Variants in MEI1 observed in about 807,000 individuals in gnomAD.
MEI1 encodes the protein meiotic double-stranded break formation protein 1.
A neutral mutation model predicts 146.2 loss-of-function variants in MEI1; 103 were observed. The ratio of observed to expected loss-of-function variants is 0.70; its 90% confidence interval spans 0.60 to 0.83. The LOEUF (loss-of-function observed/expected upper bound fraction) is 0.83, where lower values mean the gene tolerates loss of function less well. MEI1 is among the 40% of genes least tolerant of loss of function. The probability of loss-of-function intolerance (pLI) is 0.00; values close to 1 mark genes in which losing one functional copy is unlikely to be tolerated. For synonymous variants in MEI1, 652 were observed against 628.2 expected (o/e 1.04, Z -0.57); for missense variants, 1,529 against 1,533.0 (o/e 1.00, Z 0.04).
At chr22:41,767,755 C>T in intron 19 of MEI1, 1 of 383,470 alleles carries the variant, frequency 2.6e-6, no homozygotes, top group South Asian at 1.8e-5. Flanking sequence ...AGTTCCTTGC[C>T]CTCAGAGAAC....
chr22:41,748,043 C>T, intron 14 of MEI1, 64 bp from the exon 15 acceptor site: 2 of 1,105,648 alleles, frequency 1.8e-6, no homozygotes, highest in Non-Finnish European at 1.4e-6. Flanking sequence ...TGAGTTTTCT[C>T]TGATGCCTTT....
At chr22:41,745,128 A>G (rs2073190989) in intron 13 of MEI1, 64 bp downstream of exon 13, 5 of 1,158,418 alleles carry the variant, frequency 4.3e-6, no homozygotes, top group South Asian at 3.5e-5. Context: ...GATTCAGACA[A>G]TGGGTGAAGT....
intron 26 of MEI1, among the ~76,000 whole-genome samples, chr22:41,789,796 G>A (rs1251230733): frequency 1.6e-4 from 25 of 152,208 alleles, no homozygotes; most frequent in Admixed American, 1.6e-3. Flanking sequence ...AACCCAACCT[G>A]AGAAGCTCAT....
intron 11 of MEI1, among the ~76,000 whole-genome samples, chr22:41,737,955 A>G (rs1271453255): frequency 1.3e-5 from 2 of 152,236 alleles, no homozygotes; most frequent in East Asian, 3.8e-4. Flanking sequence ...TTATAGAGTA[A>G]CTTTTATTTT....
At chr22:41,772,619 C>T (rs1472619626) in intron 20 of MEI1, among the ~76,000 whole-genome samples, 2 of 152,168 alleles carry the variant, frequency 1.3e-5, no homozygotes, top group African/African-American at 4.8e-5. Flanking sequence ...ACTGTACCTG[C>T]CATTTTTTCT....
At chr22:41,767,710 T>C in intron 19 of MEI1, 1 of 423,028 alleles carries the variant, frequency 2.4e-6, no homozygotes, top group Non-Finnish European at 5.0e-6. Context: ...CTAGGTACCA[T>C]GTGGGGCCCT....
chr22:41,737,563 T>C (rs73161386), intron 11 of MEI1, among the ~76,000 whole-genome samples: 4,816 of 142,782 alleles, frequency 0.034, 120 homozygotes, highest in Middle Eastern at 0.046. Flanking sequence ...GGGTGAGGGG[T>C]CAGAGTCTCA....
Position 41,699,552 on chromosome 22 carries a change from AGGCGGC to A in MEI1, c.16_21del (p.Ala6_Ala7del). On this transcript the variant is annotated inframe_deletion, in exon 1 of 31. Coordinates refer to ENST00000401548, the MANE Select transcript of MEI1 (RefSeq NM_152513.4). ...GCAAGCGAGGAGATGGCTGTGAGGC[AGGCGGC>A]GACGGCGGGCACTCCCGGGCCCAGG... is the stretch of plus-strand genomic sequence containing the variant. 1 of 1,611,696 alleles carries A rather than the reference AGGCGGC, an allele frequency of 6.2e-7. No homozygotes were observed. Among genetic ancestry groups the A allele is most frequent in the African/African-American group, 1.3e-5 (1 of 74,968 alleles).
At chr22:41,701,247 G>A (rs563093007) in intron 1 of MEI1, among the ~76,000 whole-genome samples, 7 of 152,034 alleles carry the variant, frequency 4.6e-5, no homozygotes, top group Admixed American at 3.9e-4. Flanking sequence ...CCAAACAGCT[G>A]GATTTTTATC....
Position 41,763,323 on chromosome 22 carries a change from T to C in MEI1, c.2268+2T>C. ...GACAAAGACAATACACTACGTGAGG[T>C]ATGGACCACAATGCCTGGGCTCCTT... is the stretch of plus-strand genomic sequence containing the variant. On this transcript the variant is annotated splice_donor_variant, in intron 19 of 30. Coordinates refer to ENST00000401548, the MANE Select transcript of MEI1 (RefSeq NM_152513.4). LOFTEE classifies it high-confidence loss of function. The C allele has an allele frequency of 6.2e-7, 1 of 1,613,492 alleles. No homozygotes were observed. Among genetic ancestry groups the C allele is most frequent in the South Asian group, 1.1e-5 (1 of 91,034 alleles).
rs183175694 is a variant in MEI1 at position 41,724,358 on chromosome 22, G to A, written c.864+285G>A. ...AAAAAAGTTGGGCGTGGTGGCTCAC[G>A]CCTGTAATCCCAGCGTTTTGGGAGG... On this transcript the variant is annotated intron_variant, in intron 7 of 30. Coordinates refer to ENST00000401548, the MANE Select transcript of MEI1 (RefSeq NM_152513.4). Among the ~76,000 whole-genome samples, 211 of 151,250 alleles carry A rather than the reference G, an allele frequency of 1.4e-3. 2 individuals are homozygous for A. The highest frequency in any genetic ancestry group is 4.9e-3 in the African/African-American group (201 of 41,228).
intron 7 of MEI1, among the ~76,000 whole-genome samples, chr22:41,725,060 C>T (rs2049763056): frequency 6.6e-6 from 1 of 151,926 alleles, no homozygotes; most frequent in Non-Finnish European, 1.5e-5. Flanking sequence ...ACCTTGGCCT[C>T]CAAAGTGCTG....
At chr22:41,765,983 C>T (rs964905521) in intron 19 of MEI1, among the ~76,000 whole-genome samples, 2 of 147,504 alleles carry the variant, frequency 1.4e-5, no homozygotes, top group African/African-American at 5.0e-5. Context: ...CTCCGCCTCC[C>T]GGGTTCATAC....
chr22:41,788,620 T>C (rs926434030), intron 26 of MEI1, among the ~76,000 whole-genome samples: 23 of 151,690 alleles, frequency 1.5e-4, no homozygotes, highest in Non-Finnish European at 1.5e-5. Context: ...TTTGTATTTT[T>C]AGTAGAGACA....
chr22:41,703,458 A>T lies in MEI1; in HGVS notation c.298+4A>T, dbSNP rs2068859065. 1 of 1,559,908 alleles carries T rather than the reference A, an allele frequency of 6.4e-7. No individual in the cohort carries two copies. Among genetic ancestry groups the T allele is most frequent in the South Asian group, 1.2e-5 (1 of 83,446 alleles). ...CACTTCATAAGTGTGCTTTTTGGTA[A>T]GATTAAGAGGGAAATTTGACATGAG... On this transcript the variant is annotated splice_donor_region_variant and intron_variant, in intron 2 of 30. Transcript: ENST00000401548.
In MEI1 at chr22:41,763,444, G is replaced by A. The variant is rs989987324; in HGVS notation, c.2268+123G>A. ...TGGTAGAGAGAGACAAAGCGGAGGT[G>A]TTAGGAGTGTGGAGAGGAGTAGGAT... On this transcript the variant is annotated intron_variant, in intron 19 of 30. Transcript: ENST00000401548. 2.8e-5 allele frequency: 31 copies of A among 1,087,944 alleles called. No individual in the cohort carries two copies. In the African/African-American group the frequency reaches 4.9e-4, roughly 17 times the overall value. The allele number at this position is 1,087,944 out of a possible 1,614,324, so 67.4% of individuals were successfully genotyped here. A position where few individuals can be genotyped will look rare whatever the true frequency, so the allele number is the denominator to read the frequency against.
intron 19 of MEI1, among the ~76,000 whole-genome samples, chr22:41,763,874 A>C (rs1048757128): frequency 2.0e-5 from 3 of 152,080 alleles, no homozygotes; most frequent in Admixed American, 2.0e-4. Context: ...TCAAGCACTT[A>C]ACCTATGTTT....
chr22:41,797,269 T>G (rs2076395478), intron 30 of MEI1, among the ~76,000 whole-genome samples: 1 of 151,758 alleles, frequency 6.6e-6, no homozygotes. Flanking sequence ...ATTACAGGCA[T>G]GAGCCACTGT....
intron 11 of MEI1, among the ~76,000 whole-genome samples, chr22:41,733,788 A>G (rs949873613): frequency 6.6e-6 from 1 of 152,226 alleles, no homozygotes; most frequent in Middle Eastern, 3.4e-3. Context: ...TTTATATAGC[A>G]TTTGCATTGT....
Sources: gnomAD v4.1 joint callset for allele counts (sites outside exome capture counted in the v4.1 genomes callset) on GRCh38, gnomAD v4.1.1 for gene constraint, MANE v1.5 for transcripts, NCBI Gene and HGNC (gene_info 2026-07-23, HGNC 2026-07-21) for gene names.